PPP1R1B: variants seen among roughly 807,000 people sequenced by gnomAD.
PPP1R1B encodes the protein protein phosphatase 1 regulatory inhibitor subunit 1B, also known as protein phosphatase 1 regulatory subunit 1B.
Under a neutral mutation model 28.2 loss-of-function variants are expected in PPP1R1B, and 13 were observed. The ratio of observed to expected loss-of-function variants is 0.46; its 90% CI spans 0.30 to 0.73. PPP1R1B has a LOEUF of 0.73. Ranked by LOEUF, PPP1R1B falls within the 30% of genes least tolerant of loss-of-function variation. PPP1R1B has a pLI of 0.07. For missense variants in PPP1R1B, 236 were observed against 256.7 expected, an observed-to-expected ratio of 0.92 and a Z score of 0.55; for synonymous variants, 102 against 97.5, an observed-to-expected ratio of 1.05 and a Z score of -0.27.
rs143001099 is a variant in PPP1R1B at position 39,634,481 on chromosome 17, G to A, written c.445+395G>A. ...ATTTCACCTACATTTTTGAACCTAGGATGTGGTCTCTGCTGGGGTGCAGAG... is the reference window on the plus strand; with the variant it reads ...ATTTCACCTACATTTTTGAACCTAGAATGTGGTCTCTGCTGGGGTGCAGAG... On this transcript the variant is annotated intron_variant, in intron 5 of 6. Coordinates refer to ENST00000254079, the MANE Select transcript of PPP1R1B (RefSeq NM_032192.4). Among the ~76,000 whole-genome samples, 404 of 152,284 alleles carry A rather than the reference G, an allele frequency of 2.7e-3. 1 individual carries two copies. Among genetic ancestry groups the A allele is most frequent in the African/African-American group, 9.0e-3 (375 of 41,544 alleles).
At chr17:39,629,139 C>T in intron 1 of PPP1R1B, 31 bp from the exon 2 acceptor site, 2 of 1,598,026 alleles carry the variant, frequency 1.3e-6, no homozygotes, top group Non-Finnish European at 1.7e-6. Context: ...TGCAGGTGTC[C>T]ATCCAGTCAC....
chr17:39,629,373 T>C lies in PPP1R1B; in HGVS notation c.142+143T>C. 2 of 1,251,754 alleles carry C rather than the reference T, an allele frequency of 1.6e-6. 1 individual carries two copies. The highest frequency in any genetic ancestry group is 3.0e-5 in the African/African-American group (2 of 67,780). The allele number at this position is 1,251,754 out of a possible 1,614,324, so 77.5% of individuals were successfully genotyped here. A position where few individuals can be genotyped will look rare whatever the true frequency, so the allele number is the denominator to read the frequency against. Reference sequence around the variant, plus strand: ...TCTGGGAACCCAACTCTATTGGCTTTATTTATTGACATGACACCTCCCAGC... The same window carrying C: ...TCTGGGAACCCAACTCTATTGGCTTCATTTATTGACATGACACCTCCCAGC... On this transcript the variant is annotated intron_variant, in intron 2 of 6. Coordinates refer to ENST00000254079, the MANE Select transcript of PPP1R1B (RefSeq NM_032192.4).
chr17:39,636,112 G>A lies in PPP1R1B; in HGVS notation c.*247G>A. 1 of 553,956 alleles carries A rather than the reference G, an allele frequency of 1.8e-6. No homozygotes were observed. 34.3% of individuals were successfully genotyped at this position (553,956 alleles called of 1,614,324 possible). On this transcript the variant is annotated 3_prime_UTR_variant, in exon 7 of 7. Transcript: ENST00000254079. ...CATTCCTCCATTCACCCAGCGGGAGGTGGGATGTGAGACAGCCCACATTGG... is the reference window on the plus strand; with the variant it reads ...CATTCCTCCATTCACCCAGCGGGAGATGGGATGTGAGACAGCCCACATTGG...
chr17:39,631,692 G>C (rs2056879251), intron 4 of PPP1R1B, among the ~76,000 whole-genome samples: 1 of 152,222 alleles, frequency 6.6e-6, no homozygotes, highest in Non-Finnish European at 1.5e-5. Context: ...TGGGAACAGA[G>C]AGGAGAGGCT....
At position 39,629,844 on chromosome 17, in the gene PPP1R1B, C is replaced by T. The variant is rs575265069; in HGVS notation, c.166-128C>T. The stretch of plus-strand genomic sequence containing the variant: ...AAGCCACAGGGTGGGGAGGCTCAGC[C>T]TAGGTGCAGGACCCATTAGCAGTGG... On this transcript the variant is annotated intron_variant, in intron 3 of 6. Transcript: ENST00000254079. The T allele has an allele frequency of 5.0e-5, 52 of 1,039,992 alleles. No individual in the cohort carries two copies. In the African/African-American group the frequency reaches 7.9e-4, roughly 16 times the overall value. The allele number at this position is 1,039,992 out of a possible 1,614,324, so 64.4% of individuals were successfully genotyped here. A position where few individuals can be genotyped will look rare whatever the true frequency, so the allele number is the denominator to read the frequency against.
At chr17:39,629,471 C>A (rs2056859902) in intron 2 of PPP1R1B, 69 bp from the exon 3 acceptor site, 2 of 1,582,900 alleles carry the variant, frequency 1.3e-6, no homozygotes, top group Non-Finnish European at 8.7e-7. Context: ...CGGATTCTTT[C>A]TCTCTCTCCC....
At chr17:39,633,761 T>G in intron 4 of PPP1R1B, 122 bp from the exon 5 acceptor site, 1 of 1,533,846 alleles carries the variant, frequency 6.5e-7, no homozygotes, top group East Asian at 2.3e-5. Flanking sequence ...CTTGGGCCCC[T>G]GAGGGGGTAT....
At chr17:39,629,255 C>T (rs765589804) in intron 2 of PPP1R1B, 25 bp downstream of exon 2, 1 of 1,609,244 alleles carries the variant, frequency 6.2e-7, no homozygotes, top group Non-Finnish European at 8.5e-7. Context: ...GCCCACTTAG[C>T]CCTGGCCCCA....
chr17:39,630,168 G>C, intron 4 of PPP1R1B, 121 bp downstream of exon 4: 4 of 986,178 alleles, frequency 4.1e-6, no homozygotes, highest in Non-Finnish European at 4.7e-6. Flanking sequence ...CTGTCAGCGT[G>C]GCGCAACAAC....
At chr17:39,627,518 C>A (rs1209977502) in intron 1 of PPP1R1B, 45 bp downstream of exon 1, 2 of 1,263,742 alleles carry the variant, frequency 1.6e-6, no homozygotes, top group Non-Finnish European at 2.2e-6. Flanking sequence ...CGACACACCC[C>A]GCGGGGCTTC....
chr17:39,635,978 C>A lies in PPP1R1B; in HGVS notation c.*113C>A. ...TTCCCCTCGCCTGCTAGGGCTGCGG[C>A]TTCTGACTTCTAGAAGACTAAGGCT... On this transcript the variant is annotated 3_prime_UTR_variant, in exon 7 of 7. Coordinates refer to ENST00000254079, the MANE Select transcript of PPP1R1B (RefSeq NM_032192.4). The A allele has an allele frequency of 8.4e-7, 1 of 1,186,494 alleles. No homozygotes were observed. The highest frequency in any genetic ancestry group is 1.2e-6 in the Non-Finnish European group (1 of 836,660). The allele number at this position is 1,186,494 out of a possible 1,614,324, so 73.5% of individuals were successfully genotyped here. A position where few individuals can be genotyped will look rare whatever the true frequency, so the allele number is the denominator to read the frequency against.
chr17:39,628,446 C>T lies in PPP1R1B; in HGVS notation c.82-724C>T, dbSNP rs1450599405. On this transcript the variant is annotated intron_variant, in intron 1 of 6. Coordinates refer to ENST00000254079, the MANE Select transcript of PPP1R1B (RefSeq NM_032192.4). Reference sequence around the variant, plus strand: ...CTGATTGCCAAGCTGAGGGGCGGGGCGGGGAGGGGGGCGGTCAGTTGCTGC... The same window carrying T: ...CTGATTGCCAAGCTGAGGGGCGGGGTGGGGAGGGGGGCGGTCAGTTGCTGC... 5.4e-5 allele frequency: 45 copies of T among 837,084 alleles called. No homozygotes were observed. In the East Asian group the frequency reaches 1.9e-3, roughly 36 times the overall value. 51.9% of individuals were successfully genotyped at this position (837,084 alleles called of 1,614,324 possible).
intron 4 of PPP1R1B, among the ~76,000 whole-genome samples, chr17:39,631,930 G>A (rs549427532): frequency 1.3e-5 from 2 of 152,282 alleles, no homozygotes; most frequent in South Asian, 2.1e-4. Context: ...GGTAGGGAGA[G>A]GCTGGGTGGA....
In PPP1R1B at chr17:39,632,605, A is replaced by G. The variant is rs543098159; in HGVS notation, c.242-1278A>G. Reference sequence around the variant, plus strand: ...TCTTAGCTTGAGGGGTTGTGCTCCAAGGCTGGAGCTCTCACACTTGGCTCA... The same window carrying G: ...TCTTAGCTTGAGGGGTTGTGCTCCAGGGCTGGAGCTCTCACACTTGGCTCA... On this transcript the variant is annotated intron_variant, in intron 4 of 6. Coordinates refer to ENST00000254079, the MANE Select transcript of PPP1R1B (RefSeq NM_032192.4). 4 of 152,434 alleles carry G rather than the reference A, an allele frequency of 2.6e-5. No individual in the cohort carries two copies. In the East Asian group the frequency reaches 7.7e-4, roughly 29 times the overall value. 9.4% of individuals were successfully genotyped at this position (152,434 alleles called of 1,614,324 possible). A position where few individuals can be genotyped will look rare whatever the true frequency, so the allele number is the denominator to read the frequency against.
At chr17:39,632,907 T>TCC (rs1343033963) in intron 4 of PPP1R1B, 1 of 147,886 alleles carries the variant, frequency 6.8e-6, no homozygotes, top group Non-Finnish European at 1.5e-5. Context: ...CTGCAGCAAC[T>TCC]CCCCATTCCC....
chr17:39,631,342 C>T (rs567887102), intron 4 of PPP1R1B, among the ~76,000 whole-genome samples: 11 of 152,296 alleles, frequency 7.2e-5, no homozygotes, highest in African/African-American at 2.4e-4. Flanking sequence ...ATCCCAGGTC[C>T]AAGAAGAGGG....
At chr17:39,634,242 CCCTA>C in intron 5 of PPP1R1B, among the ~76,000 whole-genome samples, 156 bp downstream of exon 5, 1 of 152,228 alleles carries the variant, frequency 6.6e-6, no homozygotes, top group East Asian at 1.9e-4. Context: ...CCGAACTCAG[CCCTA>C]CCTGAGACAT....
At chr17:39,632,289 G>C (rs1407253726) in intron 4 of PPP1R1B, 4 of 156,894 alleles carry the variant, frequency 2.5e-5, no homozygotes, top group South Asian at 2.0e-4. Flanking sequence ...AGGGAGGTGG[G>C]GGAAGCGAGG....
chr17:39,634,292 A>G (rs922774733), intron 5 of PPP1R1B, among the ~76,000 whole-genome samples: 2 of 152,172 alleles, frequency 1.3e-5, no homozygotes, highest in African/African-American at 2.4e-5. Context: ...CCCTCTCCCA[A>G]TCAGGTTTTC....
Sources: allele counts gnomAD v4.1 joint callset (sites outside exome capture counted in the v4.1 genomes callset), GRCh38; gene constraint gnomAD v4.1.1; transcripts MANE v1.5; gene names NCBI Gene and HGNC (gene_info 2026-07-23, HGNC 2026-07-21).